ASTN2: variants seen among roughly 807,000 people sequenced by gnomAD.
ASTN2 encodes the protein astrotactin 2, also known as astrotactin-2.
In ASTN2, 54 loss-of-function variants were observed where a neutral mutation model predicts 139.8. The observed-to-expected ratio is 0.39, with a 90% CI of 0.31 to 0.48. The LOEUF (loss-of-function observed/expected upper bound fraction) is 0.48. Among genes scored for constraint, ASTN2 ranks in the 20% least tolerant of loss-of-function variants. The pLI is 0.95. For missense variants in ASTN2, 1,565 were observed against 1,725.1 expected (o/e 0.91, Z 1.64); for synonymous variants, 756 against 719.5 (o/e 1.05, Z -0.81).
chr9:117,038,204 C>T (rs770665653), intron 6 of ASTN2, among the ~76,000 whole-genome samples: 2 of 152,100 alleles, frequency 1.3e-5, no homozygotes, highest in African/African-American at 2.4e-5. Flanking sequence ...AGGGATGGTG[C>T]TAAGTTCTGA....
intron 7 of ASTN2, among the ~76,000 whole-genome samples, chr9:117,005,080 ATT>A (rs35759848): frequency 8.0e-5 from 6 of 74,674 alleles, no homozygotes; most frequent in African/African-American, 2.2e-4. Flanking sequence ...CCTGTAGTCG[ATT>A]TTTTTTTTTT....
At chr9:117,110,994 G>C (rs58933811) in intron 4 of ASTN2, among the ~76,000 whole-genome samples, 9,479 of 152,234 alleles carry the variant, frequency 0.062, 651 homozygotes, top group East Asian at 0.18. Context: ...CATGTGAAAG[G>C]CAGGCCCTGA....
At chr9:116,489,791 G>C (rs1165362599) in intron 19 of ASTN2, among the ~76,000 whole-genome samples, 1 of 152,222 alleles carries the variant, frequency 6.6e-6, no homozygotes, top group Non-Finnish European at 1.5e-5. Flanking sequence ...AGCAGGTCTT[G>C]ATGGGTACTG....
At chr9:116,783,360 CCTT>C (rs901669179) in intron 13 of ASTN2, among the ~76,000 whole-genome samples, 1 of 130,874 alleles carries the variant, frequency 7.6e-6, no homozygotes, top group African/African-American at 2.8e-5. Context: ...CTCTCTCTCT[CCTT>C]GTCATTCTTC....
chr9:116,688,966 C>T (rs1860424698), intron 16 of ASTN2, among the ~76,000 whole-genome samples: 1 of 152,052 alleles, frequency 6.6e-6, no homozygotes, highest in African/African-American at 2.4e-5. Flanking sequence ...CTGGCTTTGT[C>T]TCCTAGGAGA....
intron 10 of ASTN2, among the ~76,000 whole-genome samples, chr9:116,942,445 G>A (rs1237458974): frequency 2.0e-5 from 3 of 152,112 alleles, no homozygotes; most frequent in East Asian, 1.9e-4. Flanking sequence ...TCATTGGCCC[G>A]GGGAGTCCTG....
intron 13 of ASTN2, among the ~76,000 whole-genome samples, chr9:116,751,886 T>C (rs543128321): frequency 2.0e-5 from 3 of 152,332 alleles, no homozygotes; most frequent in African/African-American, 4.8e-5. Context: ...GGAGATTCCC[T>C]GTTCATCTTC....
At chr9:116,600,212 T>C (rs1185631421) in intron 19 of ASTN2, among the ~76,000 whole-genome samples, 2 of 150,946 alleles carry the variant, frequency 1.3e-5, no homozygotes, top group African/African-American at 4.9e-5. Context: ...TAGTCCCAGC[T>C]ACTTGGGAGG....
chr9:116,733,653 G>A, intron 13 of ASTN2, 130 bp from the exon 14 acceptor site: 1 of 1,204,324 alleles, frequency 8.3e-7, no homozygotes, highest in Non-Finnish European at 1.2e-6. Flanking sequence ...AATGCCTCTG[G>A]TTTCCTGAAT....
chr9:116,976,097 C>T lies in ASTN2; in HGVS notation c.1751+17G>A, dbSNP rs1318332077. The T allele has an allele frequency of 3.7e-6, 6 of 1,613,300 alleles. No individual in the cohort carries two copies. The highest frequency in any genetic ancestry group is 5.1e-6 in the Non-Finnish European group (6 of 1,179,292). ...TCCATTTCCCAGAATTATGCCCCAA[C>T]AAGAAAGCCAACTCACCTGAGAATC... On this transcript the variant is annotated intron_variant, in intron 9 of 22. Coordinates refer to ENST00000313400, the MANE Select transcript of ASTN2 (RefSeq NM_001365068.1).
Position 117,021,234 on chromosome 9 carries a change from T to C in ASTN2, c.1424-12975A>G, listed in dbSNP as rs77018227. ...TTTTTTAAATGTGAAGTTTCTGACATAGAAAATAGGTTGGGTTCTATTTTC... is the reference window on the plus strand; with the variant it reads ...TTTTTTAAATGTGAAGTTTCTGACACAGAAAATAGGTTGGGTTCTATTTTC... On this transcript the variant is annotated intron_variant, in intron 6 of 22. Transcript: ENST00000313400. 1.6e-4 allele frequency among the ~76,000 whole-genome samples: 24 copies of C among 152,252 alleles called. No homozygotes were observed. The East Asian group carries it at 3.7e-3, about 23-fold the overall frequency.
intron 19 of ASTN2, among the ~76,000 whole-genome samples, chr9:116,570,534 T>A (rs62576091): frequency 0.16 from 24,496 of 152,100 alleles, 2,143 homozygotes; most frequent in African/African-American, 0.22. Flanking sequence ...TAGCTGGGAC[T>A]ACCGGCGCCC....
intron 10 of ASTN2, among the ~76,000 whole-genome samples, chr9:116,892,983 T>C (rs1206015045): frequency 2.0e-5 from 3 of 152,158 alleles, no homozygotes; most frequent in Non-Finnish European, 4.4e-5. Flanking sequence ...CCATGGCCGA[T>C]GGCACTTACA....
intron 3 of ASTN2, among the ~76,000 whole-genome samples, chr9:117,155,504 G>GAGAGAC (rs5900271): frequency 9.9e-5 from 15 of 151,688 alleles, no homozygotes; most frequent in Admixed American, 3.9e-4. Flanking sequence ...GACAGAGAGA[G>GAGAGAC]AGAGACAGAG....
intron 11 of ASTN2, among the ~76,000 whole-genome samples, chr9:116,822,171 T>G (rs1831501627): frequency 7.9e-6 from 1 of 126,774 alleles, no homozygotes; most frequent in South Asian, 2.9e-4. Flanking sequence ...TCACAAAAAT[T>G]AATTTACAAA....
chr9:117,119,483 C>G (rs28571187), intron 4 of ASTN2, among the ~76,000 whole-genome samples: 1,585 of 152,174 alleles, frequency 0.01, 31 homozygotes, highest in African/African-American at 0.036. Context: ...TGTCCTGACC[C>G]TCTCCAGCAC....
chr9:116,851,135 G>A (rs953724706), intron 11 of ASTN2, among the ~76,000 whole-genome samples: 4 of 152,188 alleles, frequency 2.6e-5, no homozygotes, highest in Non-Finnish European at 5.9e-5. Flanking sequence ...GTTTGATCTA[G>A]TTTGATAAGA....
At chr9:116,535,621 A>C (rs1461257102) in intron 19 of ASTN2, among the ~76,000 whole-genome samples, 1 of 152,054 alleles carries the variant, frequency 6.6e-6, no homozygotes, top group Middle Eastern at 3.2e-3. Flanking sequence ...TATGAAGCTT[A>C]GTTTCGCTGG....
chr9:117,386,146 G>GA (rs370991008), intron 1 of ASTN2, among the ~76,000 whole-genome samples: 33 of 146,896 alleles, frequency 2.2e-4, no homozygotes, highest in Admixed American at 6.1e-4. Context: ...GAAAGGAGGG[G>GA]AAAAAAAAAA....
Sources: allele counts gnomAD v4.1 joint callset (sites outside exome capture counted in the v4.1 genomes callset), GRCh38; gene constraint gnomAD v4.1.1; transcripts MANE v1.5; gene names NCBI Gene and HGNC (gene_info 2026-07-23, HGNC 2026-07-21).